The following SOX5 variants were observed in gnomAD, a reference collection of about 807,000 sequenced individuals.
The protein encoded by SOX5 is transcription factor SOX-5.
SOX5 carries 9 observed loss-of-function variants against 92.0 expected under a neutral mutation model. That is an observed-to-expected ratio of 0.10 (90% CI 0.06 to 0.17). The LOEUF (loss-of-function observed/expected upper bound fraction) is 0.17, where lower values mean the gene tolerates loss of function less well. Among genes scored for constraint, SOX5 ranks in the 10% least tolerant of loss-of-function variants. The pLI is 1.00. For missense variants in SOX5, 642 were observed against 944.5 expected (o/e 0.68, Z 4.20); for synonymous variants, 344 against 336.3 (o/e 1.02, Z -0.25).
At chr12:24,406,945 G>A (rs939986206) in intron 1 of SOX5, among the ~76,000 whole-genome samples, 4 of 152,290 alleles carry the variant, frequency 2.6e-5, no homozygotes, top group Admixed American at 1.3e-4. Context: ...AGACAGGGGT[G>A]ATGGGCAAAA....
intron 13 of SOX5, among the ~76,000 whole-genome samples, chr12:23,538,244 AT>A (rs1292006063): frequency 2.0e-5 from 3 of 152,184 alleles, no homozygotes; most frequent in Non-Finnish European, 4.4e-5. Context: ...TTATTAAAGC[AT>A]ACAGTGAAAG....
chr12:24,168,080 C>T (rs1232575757), intron 4 of SOX5, among the ~76,000 whole-genome samples: 2 of 152,190 alleles, frequency 1.3e-5, no homozygotes, highest in Non-Finnish European at 2.9e-5. Flanking sequence ...AACAGGGATG[C>T]ATTTCTGTTT....
intron 4 of SOX5, among the ~76,000 whole-genome samples, chr12:23,959,328 A>G (rs1946631717): frequency 6.6e-6 from 1 of 152,040 alleles, no homozygotes; most frequent in Non-Finnish European, 1.5e-5. Context: ...AATAAAAAGA[A>G]TATAGAGAAA....
chr12:23,992,162 T>C (rs1314723973), intron 4 of SOX5, among the ~76,000 whole-genome samples: 1 of 149,606 alleles, frequency 6.7e-6, no homozygotes, highest in East Asian at 1.9e-4. Flanking sequence ...AGCTTCTAAA[T>C]ATGTTTTGAG....
chr12:24,084,424 T>A (rs1156257650), intron 4 of SOX5, among the ~76,000 whole-genome samples: 1 of 152,108 alleles, frequency 6.6e-6, no homozygotes, highest in African/African-American at 2.4e-5. Flanking sequence ...AGATTTCATA[T>A]CTTGAGTATC....
chr12:23,810,992 C>T (rs2142412605), intron 3 of SOX5, among the ~76,000 whole-genome samples: 1 of 152,106 alleles, frequency 6.6e-6, no homozygotes, highest in Non-Finnish European at 1.5e-5. Context: ...AAGACTTATT[C>T]AGAGGTGGTT....
chr12:23,637,174 G>A (rs534517086), intron 8 of SOX5, among the ~76,000 whole-genome samples: 87 of 152,250 alleles, frequency 5.7e-4, no homozygotes, highest in Middle Eastern at 3.4e-3. Context: ...ATTGAATAAA[G>A]ATTAATTCAG....
intron 7 of SOX5, among the ~76,000 whole-genome samples, chr12:23,660,604 T>C (rs968809811): frequency 6.6e-6 from 1 of 152,182 alleles, no homozygotes. Flanking sequence ...ATTATCTTCA[T>C]CATACTATAC....
chr12:24,504,488 C>A (rs1040140384), intron 1 of SOX5, among the ~76,000 whole-genome samples: 7 of 152,172 alleles, frequency 4.6e-5, no homozygotes, highest in Non-Finnish European at 8.8e-5. Flanking sequence ...AAATCTACTA[C>A]TTTAAGAAAA....
intron 4 of SOX5, among the ~76,000 whole-genome samples, chr12:24,053,358 G>A (rs1002938988): frequency 2.6e-5 from 4 of 152,028 alleles, no homozygotes; most frequent in East Asian, 1.9e-4. Context: ...TCGAACTCCC[G>A]ACCTCAGGTG....
intron 1 of SOX5, among the ~76,000 whole-genome samples, chr12:24,501,652 C>T (rs988748802): frequency 6.6e-6 from 1 of 151,944 alleles, no homozygotes; most frequent in Non-Finnish European, 1.5e-5. Flanking sequence ...ATGGCAAGAC[C>T]CCATTTCTAC....
intron 3 of SOX5, among the ~76,000 whole-genome samples, chr12:24,252,843 G>C (rs1940405315): frequency 6.6e-6 from 1 of 152,168 alleles, no homozygotes; most frequent in Admixed American, 6.5e-5. Context: ...AGGTTACATG[G>C]AAACACGCTG....
intron 3 of SOX5, among the ~76,000 whole-genome samples, chr12:24,260,662 C>A (rs948009517): frequency 4.6e-5 from 7 of 152,102 alleles, no homozygotes; most frequent in African/African-American, 1.7e-4. Context: ...AGTCATCTAT[C>A]ATAATGTTGT....
At chr12:23,940,045 AT>A (rs897529149) in intron 1 of SOX5, among the ~76,000 whole-genome samples, 3 of 150,802 alleles carry the variant, frequency 2.0e-5, no homozygotes, top group African/African-American at 4.9e-5. Flanking sequence ...GATTCTTCAT[AT>A]TTTTTCTTTT....
chr12:23,728,260 T>C (rs1010799076), intron 6 of SOX5, among the ~76,000 whole-genome samples: 2 of 152,236 alleles, frequency 1.3e-5, no homozygotes, highest in Non-Finnish European at 1.5e-5. Context: ...CCAGTTATGA[T>C]GTATTTTATT....
intron 3 of SOX5, among the ~76,000 whole-genome samples, chr12:23,762,303 C>T (rs1002286180): frequency 9.9e-5 from 15 of 152,014 alleles, no homozygotes; most frequent in African/African-American, 2.9e-4. Flanking sequence ...GAGGCTGAGG[C>T]GAGAATACTG....
chr12:23,993,907 G>GT, intron 4 of SOX5, among the ~76,000 whole-genome samples: 1 of 151,778 alleles, frequency 6.6e-6, no homozygotes, highest in East Asian at 1.9e-4. Context: ...ATGTATGTAT[G>GT]TATGTATGCA....
chr12:23,879,777 C>G (rs911522114), intron 2 of SOX5, among the ~76,000 whole-genome samples: 5 of 152,158 alleles, frequency 3.3e-5, no homozygotes, highest in Admixed American at 6.5e-5. Context: ...TTTCTAGAGT[C>G]TGGACCTTGA....
intron 3 of SOX5, among the ~76,000 whole-genome samples, chr12:23,759,774 G>A (rs772186657): frequency 1.3e-5 from 2 of 152,046 alleles, no homozygotes; most frequent in Non-Finnish European, 2.9e-5. Flanking sequence ...TGTAAGTGCT[G>A]CTTCACTGCT....
Sources: gnomAD v4.1 joint callset for allele counts (sites outside exome capture counted in the v4.1 genomes callset) on GRCh38, gnomAD v4.1.1 for gene constraint, MANE v1.5 for transcripts, NCBI Gene and HGNC (gene_info 2026-07-23, HGNC 2026-07-21) for gene names.